The following PRDM2 variants were observed in gnomAD, a reference collection of about 807,000 sequenced individuals.
PRDM2 encodes PR/SET domain 2.
A neutral mutation model predicts 130.0 loss-of-function variants in PRDM2; 30 were observed. The observed-to-expected ratio is 0.23, with a 90% confidence interval of 0.17 to 0.31. The LOEUF (loss-of-function observed/expected upper bound fraction) is 0.31. PRDM2 is among the 10% of genes least tolerant of loss of function. The pLI, the probability that PRDM2 is intolerant of heterozygous loss-of-function variation, is 1.00. For missense variants in PRDM2, 2,011 were observed against 2,108.4 expected (o/e 0.95, Z 0.90); for synonymous variants, 871 against 782.4 (o/e 1.11, Z -1.89).
intron 8 of PRDM2, among the ~76,000 whole-genome samples, chr1:13,800,283 G>A (rs2100729504): frequency 6.6e-6 from 1 of 152,354 alleles, no homozygotes; most frequent in Non-Finnish European, 1.5e-5. Context: ...ACAGATGCGG[G>A]AATAGAGACT....
intron 8 of PRDM2, among the ~76,000 whole-genome samples, chr1:13,785,992 C>G (rs2100690334): frequency 6.6e-6 from 1 of 151,858 alleles, no homozygotes; most frequent in African/African-American, 2.4e-5. Context: ...GTGCCCGCCA[C>G]CATGCCCGGC....
intron 2 of PRDM2, among the ~76,000 whole-genome samples, chr1:13,724,263 G>A (rs931855787): frequency 6.6e-6 from 1 of 152,096 alleles, no homozygotes; most frequent in Non-Finnish European, 1.5e-5. Flanking sequence ...AAGTTGTTGT[G>A]TTTATTAATA....
intron 2 of PRDM2, among the ~76,000 whole-genome samples, chr1:13,721,581 C>T (rs1391521595): frequency 6.6e-6 from 1 of 151,988 alleles, no homozygotes; most frequent in Non-Finnish European, 1.5e-5. Flanking sequence ...CATTTTGAAT[C>T]ATGTATTCTA....
At chr1:13,706,551 A>G (rs1026554055) in intron 1 of PRDM2, among the ~76,000 whole-genome samples, 2 of 152,170 alleles carry the variant, frequency 1.3e-5, no homozygotes, top group African/African-American at 4.8e-5. Flanking sequence ...TGAGAACTCT[A>G]CCACAAGGTC....
intron 2 of PRDM2, among the ~76,000 whole-genome samples, chr1:13,727,619 T>G (rs973738583): frequency 3.9e-5 from 6 of 152,206 alleles, no homozygotes; most frequent in African/African-American, 1.4e-4. Context: ...GTGCTTGAGT[T>G]TTCTACAGGG....
At chr1:13,715,696 C>T in intron 2 of PRDM2, 82 bp downstream of exon 2, 1 of 1,226,418 alleles carries the variant, frequency 8.2e-7, no homozygotes, top group Non-Finnish European at 1.1e-6. Flanking sequence ...TAGTAGCACA[C>T]ACATTCATTT....
At chr1:13,714,287 G>A (rs1282572534) in intron 1 of PRDM2, among the ~76,000 whole-genome samples, 1 of 151,202 alleles carries the variant, frequency 6.6e-6, no homozygotes. Context: ...AAGATGCTCA[G>A]TATTAAAATG....
At chr1:13,769,053 T>C (rs1644297959) in intron 6 of PRDM2, 1 of 818,588 alleles carries the variant, frequency 1.2e-6, no homozygotes, top group South Asian at 5.6e-5. Flanking sequence ...GTCCTGTCCC[T>C]CTGCTGTTCC....
rs727985 is a variant in PRDM2 at position 13,803,656 on chromosome 1, C to A, written c.5037-12771C>A. Among the ~76,000 whole-genome samples, 7,317 of 152,206 alleles carry A rather than the reference C, an allele frequency of 0.048. 560 individuals carry two copies. Among genetic ancestry groups the A allele is most frequent in the African/African-American group, 0.16 (6,843 of 41,508 alleles). On this transcript the variant is annotated intron_variant, in intron 8 of 9. Coordinates refer to ENST00000311066, the MANE Select transcript of PRDM2 (RefSeq NM_001393986.1). This position sits in a 1 kb window ranked among gnomAD's most constrained non-coding sequence, Gnocchi z 6.2. ...TCCCTGTGGCCTCTGGGGTCCCCTG[C>A]ACTTCTCGGGTCTTGGCAGCAAAAG...
chr1:13,713,742 T>C (rs891952099), intron 1 of PRDM2, among the ~76,000 whole-genome samples: 2 of 152,128 alleles, frequency 1.3e-5, no homozygotes, highest in South Asian at 2.1e-4. Flanking sequence ...CTTATTCACC[T>C]GGGGGAATAA....
intron 4 of PRDM2, among the ~76,000 whole-genome samples, chr1:13,740,467 C>T (rs1643405212): frequency 6.6e-6 from 1 of 152,114 alleles, no homozygotes; most frequent in Non-Finnish European, 1.5e-5. Flanking sequence ...CTCCTTGGTG[C>T]CTATGATGAT....
At chr1:13,702,498 A>AT (rs2100370964) in intron 1 of PRDM2, among the ~76,000 whole-genome samples, 1 of 152,240 alleles carries the variant, frequency 6.6e-6, no homozygotes, top group South Asian at 2.1e-4. Flanking sequence ...CTAAATAAGC[A>AT]TTTTTCTTGC....
intron 2 of PRDM2, among the ~76,000 whole-genome samples, chr1:13,728,253 A>G (rs937588934): frequency 6.6e-6 from 1 of 152,248 alleles, no homozygotes; most frequent in Non-Finnish European, 1.5e-5. Flanking sequence ...AACACTGAAT[A>G]AGATAGACAC....
chr1:13,727,185 T>TC (rs1345525547), intron 2 of PRDM2, among the ~76,000 whole-genome samples: 2 of 152,186 alleles, frequency 1.3e-5, no homozygotes, highest in East Asian at 3.8e-4. Context: ...TCCCCAATAT[T>TC]GTCACAGATT....
chr1:13,707,757 C>G (rs1442463490), intron 1 of PRDM2, among the ~76,000 whole-genome samples: 2 of 151,366 alleles, frequency 1.3e-5, no homozygotes, highest in Non-Finnish European at 2.9e-5. Flanking sequence ...AGGAAATTAA[C>G]ATTTTAATTC....
chr1:13,715,686 T>C, intron 2 of PRDM2, 72 bp downstream of exon 2: 1 of 1,321,984 alleles, frequency 7.6e-7, no homozygotes, highest in Non-Finnish European at 1.0e-6. Context: ...TTTTACAAGA[T>C]AGTAGCACAC....
chr1:13,742,649 G>A (rs1643482087), intron 5 of PRDM2, among the ~76,000 whole-genome samples: 1 of 152,204 alleles, frequency 6.6e-6, no homozygotes, highest in African/African-American at 2.4e-5. Context: ...TGGAGCTAAA[G>A]CATGAAGATC....
At chr1:13,773,034 TAA>T (rs35124546) in intron 6 of PRDM2, 42 bp from the exon 7 acceptor site, 11 of 1,048,604 alleles carry the variant, frequency 1.0e-5, no homozygotes, top group Admixed American at 6.7e-5. Context: ...AATGAATAAA[TAA>T]AAAAAAAATG....
At chr1:13,807,405 A>G (rs920617909) in intron 8 of PRDM2, among the ~76,000 whole-genome samples, 4 of 152,232 alleles carry the variant, frequency 2.6e-5, no homozygotes, top group East Asian at 3.8e-4. Context: ...GCGCCCCCTC[A>G]TGGAGCCTGC....
Sources: gnomAD v4.1 joint callset for allele counts (sites outside exome capture counted in the v4.1 genomes callset) on GRCh38, gnomAD v4.1.1 for gene constraint, Gnocchi (gnomAD v3.1) non-coding constraint, MANE v1.5 for transcripts, NCBI Gene and HGNC (gene_info 2026-07-23, HGNC 2026-07-21) for gene names.